The following PCDH9 variants were observed in gnomAD, a reference collection of about 807,000 sequenced individuals.
PCDH9 encodes protocadherin-9.
A neutral mutation model predicts 70.6 loss-of-function variants in PCDH9; 24 were observed. The ratio of observed to expected loss-of-function variants is 0.34; its 90% CI spans 0.25 to 0.48. The LOEUF (loss-of-function observed/expected upper bound fraction) is 0.48. Among genes scored for constraint, PCDH9 ranks in the 20% least tolerant of loss-of-function variants. The pLI, the probability that PCDH9 is intolerant of heterozygous loss-of-function variation, is 0.99. For missense variants in PCDH9, 1,281 were observed against 1,503.6 expected, an observed-to-expected ratio of 0.85 and a Z score of 2.45; for synonymous variants, 562 against 558.5, an observed-to-expected ratio of 1.01 and a Z score of -0.09.
At chr13:66,305,180 T>A in intron 4 of PCDH9, 152 bp from the exon 5 acceptor site, 1 of 722,878 alleles carries the variant, frequency 1.4e-6, no homozygotes, top group Non-Finnish European at 2.2e-6. Context: ...CTCCATCTTT[T>A]AAAGATTAAC....
chr13:66,967,680 T>C (rs1190381693), intron 2 of PCDH9, among the ~76,000 whole-genome samples: 2 of 152,174 alleles, frequency 1.3e-5, no homozygotes, highest in East Asian at 1.9e-4. Flanking sequence ...ACAAATGCTA[T>C]GCAAAAGTCT....
chr13:67,139,893 G>C (rs531436736), intron 2 of PCDH9, among the ~76,000 whole-genome samples: 24 of 152,186 alleles, frequency 1.6e-4, no homozygotes, highest in Non-Finnish European at 3.1e-4. Context: ...ATATTTTCAA[G>C]TACGCTTTTT....
chr13:66,997,825 G>A (rs1221488503), intron 2 of PCDH9, among the ~76,000 whole-genome samples: 3 of 152,074 alleles, frequency 2.0e-5, no homozygotes, highest in Non-Finnish European at 4.4e-5. Context: ...GAGCCACCGC[G>A]CCTGGACTGG....
chr13:66,595,841 TA>T (rs548084415), intron 4 of PCDH9, among the ~76,000 whole-genome samples: 36 of 151,484 alleles, frequency 2.4e-4, no homozygotes, highest in Non-Finnish European at 4.7e-4. Context: ...GAAAAGATTG[TA>T]AGATTCTTAG....
intron 4 of PCDH9, among the ~76,000 whole-genome samples, chr13:66,374,755 A>C (rs1453203242): frequency 6.6e-6 from 1 of 152,006 alleles, no homozygotes; most frequent in East Asian, 1.9e-4. Flanking sequence ...GGGGTATTTC[A>C]CATTCTAAAC....
At chr13:66,792,174 G>A (rs969870778) in intron 3 of PCDH9, among the ~76,000 whole-genome samples, 3 of 152,050 alleles carry the variant, frequency 2.0e-5, no homozygotes, top group Non-Finnish European at 2.9e-5. Flanking sequence ...TATTACCTTC[G>A]AGATTTATTC....
intron 3 of PCDH9, among the ~76,000 whole-genome samples, chr13:66,829,956 C>CT (rs34202819): frequency 0.98 from 148,294 of 151,626 alleles, 72,603 homozygotes; most frequent in East Asian, 1. Flanking sequence ...ATTGTTCCAA[C>CT]TTTTTTTCTT....
intron 4 of PCDH9, among the ~76,000 whole-genome samples, chr13:66,574,600 C>A (rs1295572082): frequency 1.3e-5 from 2 of 152,152 alleles, no homozygotes; most frequent in Admixed American, 6.5e-5. Context: ...AATTTCCACA[C>A]TTAATGCATC....
intron 3 of PCDH9, among the ~76,000 whole-genome samples, chr13:66,818,221 T>C (rs922942801): frequency 6.6e-6 from 1 of 152,210 alleles, no homozygotes; most frequent in African/African-American, 2.4e-5. Flanking sequence ...GCAGATTCAC[T>C]AGCTTGGGCA....
At chr13:67,222,241 TG>T (rs947887136) in intron 2 of PCDH9, 8 of 80,468 alleles carry the variant, frequency 9.9e-5, no homozygotes, top group Non-Finnish European at 2.4e-4. Context: ...TAAACTTTGT[TG>T]TTTTTTTTTT....
chr13:66,411,645 GGATA>G (rs57986608), intron 4 of PCDH9, among the ~76,000 whole-genome samples: 16,690 of 150,936 alleles, frequency 0.11, 1,237 homozygotes, highest in African/African-American at 0.21. Context: ...TATAGATGAT[GGATA>G]GATAGATAGA....
intron 3 of PCDH9, among the ~76,000 whole-genome samples, chr13:66,870,079 C>T (rs1363511562): frequency 1.3e-5 from 2 of 151,898 alleles, no homozygotes; most frequent in Admixed American, 1.3e-4. Flanking sequence ...GTCTTTAATC[C>T]ATCTTGAATT....
At chr13:66,430,357 A>G (rs1957749945) in intron 4 of PCDH9, among the ~76,000 whole-genome samples, 1 of 152,096 alleles carries the variant, frequency 6.6e-6, no homozygotes, top group African/African-American at 2.4e-5. Context: ...TTTGCTTGGT[A>G]TAAGAATAGG....
At chr13:66,692,497 C>T (rs1160440527) in intron 3 of PCDH9, among the ~76,000 whole-genome samples, 1 of 151,918 alleles carries the variant, frequency 6.6e-6, no homozygotes, top group African/African-American at 2.4e-5. Context: ...AAATAATGTT[C>T]TGAAATATTA....
intron 3 of PCDH9, among the ~76,000 whole-genome samples, chr13:66,702,508 A>G (rs1046052064): frequency 2.0e-5 from 3 of 152,188 alleles, no homozygotes; most frequent in Non-Finnish European, 4.4e-5. Context: ...CATGGAGACT[A>G]TAATTAATAA....
chr13:66,727,768 A>G (rs1321380972), intron 3 of PCDH9, among the ~76,000 whole-genome samples: 2 of 152,136 alleles, frequency 1.3e-5, no homozygotes, highest in East Asian at 1.9e-4. Flanking sequence ...AAATTAATAT[A>G]AACTAGGTAC....
chr13:66,935,999 C>A (rs9540946), intron 2 of PCDH9, among the ~76,000 whole-genome samples: 4 of 152,066 alleles, frequency 2.6e-5, no homozygotes, highest in African/African-American at 7.2e-5. Context: ...GCAGGAGGAT[C>A]GTTGGAATCC....
At chr13:66,418,789 A>G (rs1025952466) in intron 4 of PCDH9, among the ~76,000 whole-genome samples, 2 of 151,932 alleles carry the variant, frequency 1.3e-5, no homozygotes, top group Non-Finnish European at 2.9e-5. Context: ...AAAAAAATCA[A>G]TGAATCCAGG....
intron 3 of PCDH9, among the ~76,000 whole-genome samples, chr13:66,695,938 A>C (rs1194521804): frequency 6.6e-6 from 1 of 152,192 alleles, no homozygotes; most frequent in Non-Finnish European, 1.5e-5. Flanking sequence ...AAAAGCAATT[A>C]GAAAATAATT....
Sources: allele counts gnomAD v4.1 joint callset (sites outside exome capture counted in the v4.1 genomes callset), GRCh38; gene constraint gnomAD v4.1.1; transcripts MANE v1.5; gene names NCBI Gene and HGNC (gene_info 2026-07-23, HGNC 2026-07-21).